Variants in FUT8 observed in about 807,000 individuals in gnomAD.
The protein encoded by FUT8 is alpha-(1,6)-fucosyltransferase.
Under a neutral mutation model 71.3 loss-of-function variants are expected in FUT8, and 29 were observed. That is an observed-to-expected ratio of 0.41 (90% CI 0.30 to 0.55). The LOEUF is 0.55. FUT8 is among the 20% of genes least tolerant of loss of function. The pLI, the probability that FUT8 is intolerant of heterozygous loss-of-function variation, is 0.34. For missense variants in FUT8, 544 were observed against 702.1 expected (o/e 0.77, Z 2.55); for synonymous variants, 254 against 239.3 (o/e 1.06, Z -0.57).
At chr14:65,621,848 G>A (rs990430905) in intron 5 of FUT8, among the ~76,000 whole-genome samples, 12 of 151,622 alleles carry the variant, frequency 7.9e-5, no homozygotes, top group Non-Finnish European at 1.3e-4. Context: ...TTTTTGAGAT[G>A]GAGTCTCGCT....
At chr14:65,605,819 G>C (rs1888553668) in intron 3 of FUT8, among the ~76,000 whole-genome samples, 1 of 151,802 alleles carries the variant, frequency 6.6e-6, no homozygotes, top group Non-Finnish European at 1.5e-5. Flanking sequence ...GAGTATCTCT[G>C]TTTCAATTTA....
intron 3 of FUT8, among the ~76,000 whole-genome samples, chr14:65,605,863 T>C (rs988818826): frequency 5.3e-5 from 8 of 151,888 alleles, no homozygotes; most frequent in African/African-American, 1.4e-4. Context: ...TGATCATTTC[T>C]CAGGATTACT....
intron 10 of FUT8, among the ~76,000 whole-genome samples, chr14:65,734,511 C>T (rs1183618570): frequency 6.6e-6 from 1 of 152,160 alleles, no homozygotes; most frequent in African/African-American, 2.4e-5. Flanking sequence ...CAATCTTAAT[C>T]AGAAGGGAAA....
chr14:65,699,398 G>A (rs1464872498), intron 7 of FUT8, among the ~76,000 whole-genome samples: 4 of 152,110 alleles, frequency 2.6e-5, no homozygotes, highest in African/African-American at 9.7e-5. Context: ...CCATAGGATT[G>A]TTCTGGCAAT....
At position 65,439,954 on chromosome 14, in the gene FUT8, G is replaced by GTGTACGTATATATATATATATA; in HGVS notation, c.-325-15666_-325-15665insGTACGTATATATATATATATAT. On this transcript the variant is annotated intron_variant, in intron 1 of 10. Transcript: ENST00000673929. ...ATAAAGAAAATGTGTGTGTGTGTGT[G>GTGTACGTATATATATATATATA]TATATATATATATATATATATATAT... Among the ~76,000 whole-genome samples, 409 of 74,950 alleles carry GTGTACGTATATATATATATATA rather than the reference G, an allele frequency of 5.5e-3. 54 individuals are homozygous for GTGTACGTATATATATATATATA. The highest frequency in any genetic ancestry group is 7.3e-3 in the East Asian group (12 of 1,640). The allele number at this position is 74,950 out of a possible 152,430, so 49.2% of individuals were successfully genotyped here. A position where few individuals can be genotyped will look rare whatever the true frequency, so the allele number is the denominator to read the frequency against.
chr14:65,532,977 C>G (rs1163424256), intron 2 of FUT8, among the ~76,000 whole-genome samples: 2 of 152,076 alleles, frequency 1.3e-5, no homozygotes, highest in African/African-American at 4.8e-5. Context: ...GCTCTTTGTT[C>G]TGTTCCATTG....
intron 3 of FUT8, among the ~76,000 whole-genome samples, chr14:65,610,077 G>GT (rs1455545075): frequency 6.6e-6 from 1 of 151,626 alleles, no homozygotes; most frequent in African/African-American, 2.4e-5. Context: ...GTATGTTGAT[G>GT]TTATATTCTG....
chr14:65,459,726 T>G (rs2065944909), intron 2 of FUT8, among the ~76,000 whole-genome samples: 1 of 152,164 alleles, frequency 6.6e-6, no homozygotes, highest in Admixed American at 6.5e-5. Flanking sequence ...AAGGTCCACA[T>G]TAAAGTCAGG....
chr14:65,519,926 G>A (rs919920701), intron 2 of FUT8, among the ~76,000 whole-genome samples: 92 of 152,192 alleles, frequency 6.0e-4, no homozygotes, highest in African/African-American at 2.1e-3. Context: ...CTACAGGAGC[G>A]TGCCACTACA....
At chr14:65,539,115 G>A (rs1011741054) in intron 2 of FUT8, among the ~76,000 whole-genome samples, 1 of 152,168 alleles carries the variant, frequency 6.6e-6, no homozygotes, top group Non-Finnish European at 1.5e-5. Context: ...ATACATGGTA[G>A]TCACTACATA....
At chr14:65,568,612 T>G (rs545098516) in intron 3 of FUT8, among the ~76,000 whole-genome samples, 36 of 151,882 alleles carry the variant, frequency 2.4e-4, no homozygotes, top group Non-Finnish European at 3.0e-5. Flanking sequence ...TGATTTCTAG[T>G]TTGTTCTTCA....
intron 2 of FUT8, among the ~76,000 whole-genome samples, chr14:65,557,359 G>T (rs1445933777): frequency 4.0e-5 from 6 of 148,232 alleles, no homozygotes. Context: ...TTGAGACAGA[G>T]CCTTGCTCTG....
At chr14:65,675,561 A>G (rs535194925) in intron 7 of FUT8, among the ~76,000 whole-genome samples, 10 of 152,306 alleles carry the variant, frequency 6.6e-5, no homozygotes, top group African/African-American at 2.2e-4. Flanking sequence ...AAGAAACACC[A>G]TTCTATGAGT....
At chr14:65,672,084 A>G (rs1019577039) in intron 7 of FUT8, among the ~76,000 whole-genome samples, 2 of 152,210 alleles carry the variant, frequency 1.3e-5, no homozygotes, top group African/African-American at 4.8e-5. Context: ...TTTCATAGCT[A>G]TATCATACCT....
intron 3 of FUT8, among the ~76,000 whole-genome samples, chr14:65,589,152 A>T (rs74058525): frequency 0.014 from 2,070 of 152,284 alleles, 39 homozygotes; most frequent in East Asian, 0.094. Flanking sequence ...AAATCCACCA[A>T]TGGGTACTGC....
At chr14:65,422,968 T>TTTTC (rs1197003888) in intron 1 of FUT8, among the ~76,000 whole-genome samples, 8 of 150,316 alleles carry the variant, frequency 5.3e-5, no homozygotes, top group Non-Finnish European at 1.0e-4. Context: ...TCCTCAGTGA[T>TTTTC]TTTCTTTCTT....
At chr14:65,398,385 C>CTTAT in the FUT8 span, among the ~76,000 whole-genome samples, 3 of 152,004 alleles carry the variant, frequency 2.0e-5, no homozygotes, top group Non-Finnish European at 2.9e-5. Context: ...AAAAAAATTA[C>CTTAT]TTATTTATTT....
chr14:65,535,947 A>G (rs1263795806), intron 2 of FUT8, among the ~76,000 whole-genome samples: 2 of 152,182 alleles, frequency 1.3e-5, no homozygotes, highest in Admixed American at 1.3e-4. Flanking sequence ...AACTTGATTT[A>G]TGAATCTGGA....
chr14:65,663,981 G>A (rs143022162), intron 6 of FUT8, among the ~76,000 whole-genome samples: 1 of 151,982 alleles, frequency 6.6e-6, no homozygotes, highest in South Asian at 2.1e-4. Context: ...AAAAGAAGAA[G>A]AAGACTAACA....
Sources: gnomAD v4.1 joint callset for allele counts (sites outside exome capture counted in the v4.1 genomes callset) on GRCh38, gnomAD v4.1.1 for gene constraint, MANE v1.5 for transcripts, NCBI Gene and HGNC (gene_info 2026-07-23, HGNC 2026-07-21) for gene names.